Variants in DNPEP observed in about 807,000 individuals in gnomAD.
DNPEP encodes the protein aspartyl aminopeptidase.
A neutral mutation model predicts 59.1 loss-of-function variants in DNPEP; 46 were observed. The observed-to-expected ratio is 0.78, with a 90% CI of 0.61 to 0.99. The LOEUF is 0.99. Among genes scored for constraint, DNPEP ranks in the 50% least tolerant of loss-of-function variants. The probability of loss-of-function intolerance (pLI) is 0.00; values close to 1 mark genes in which losing one functional copy is unlikely to be tolerated. For synonymous variants in DNPEP, 229 were observed against 242.2 expected (o/e 0.95, Z 0.50); for missense variants, 617 against 649.9 (o/e 0.95, Z 0.55).
chr2:219,387,993 G>C (rs556982983), upstream of DNPEP: 431 of 1,202,762 alleles, frequency 3.6e-4, 6 homozygotes, highest in South Asian at 6.9e-3. Context: ...GCCCACCTCG[G>C]TCAGCCCCGC....
At chr2:219,399,573 G>T (rs542634187) in intron 1 of DNPEP, 5 of 608,804 alleles carry the variant, frequency 8.2e-6, no homozygotes, top group Admixed American at 2.1e-5. Flanking sequence ...CACTTGTGCC[G>T]ATGGGTGGGC....
chr2:219,389,555 C>T (rs1395015073), upstream of DNPEP, among the ~76,000 whole-genome samples: 3 of 152,116 alleles, frequency 2.0e-5, no homozygotes, highest in East Asian at 1.9e-4. Flanking sequence ...ATGGGCCTGG[C>T]GCAGTGGCTC....
upstream of DNPEP, among the ~76,000 whole-genome samples, chr2:219,390,733 G>C (rs967262265): frequency 1.3e-5 from 2 of 152,174 alleles, no homozygotes; most frequent in East Asian, 3.9e-4. Flanking sequence ...AGGAGACTGA[G>C]GCAGGAGAAC....
At chr2:219,393,468 CAG>C (rs1954049796), upstream of DNPEP, 1 of 152,188 alleles carries the variant, frequency 6.6e-6, no homozygotes. Context: ...TTAGTAGAGA[CAG>C]GGTTTCACCA....
chr2:219,381,809 T>G, intron 11 of DNPEP, 170 bp downstream of exon 11: 4 of 901,998 alleles, frequency 4.4e-6, no homozygotes. Flanking sequence ...AGGCATTGCA[T>G]GACTTTGACC....
At chr2:219,376,647 C>T (rs756919383) in intron 13 of DNPEP, among the ~76,000 whole-genome samples, 9 of 152,004 alleles carry the variant, frequency 5.9e-5, no homozygotes, top group Non-Finnish European at 1.0e-4. Flanking sequence ...CCAAAGAACC[C>T]TAGTTGATTG....
chr2:219,384,157 C>A (rs551878374), intron 9 of DNPEP, among the ~76,000 whole-genome samples: 2 of 152,204 alleles, frequency 1.3e-5, no homozygotes, highest in African/African-American at 4.8e-5. Context: ...GCCTCAACAC[C>A]CTGATAGTGC....
intron 13 of DNPEP, among the ~76,000 whole-genome samples, chr2:219,378,724 G>A (rs981470446): frequency 9.9e-5 from 15 of 152,064 alleles, no homozygotes; most frequent in African/African-American, 2.7e-4. Context: ...AATTCCTGTC[G>A]CCTAGTGACA....
chr2:219,386,534 GA>G, intron 4 of DNPEP, 123 bp from the exon 5 acceptor site: 1 of 1,487,832 alleles, frequency 6.7e-7, no homozygotes, highest in Non-Finnish European at 9.2e-7. Flanking sequence ...AGGTGTGAAG[GA>G]AGGGGCCAAC....
At position 219,399,636 on chromosome 2, in the gene DNPEP, G is replaced by C. The variant is rs1048304136; in HGVS notation, c.-158+304C>G. The C allele has an allele frequency of 7.9e-6, 5 of 632,260 alleles. No homozygotes were observed. The African/African-American group carries it at 9.1e-5, about 11-fold the overall frequency. The allele number at this position is 632,260 out of a possible 1,614,324, so 39.2% of individuals were successfully genotyped here. A position where few individuals can be genotyped will look rare whatever the true frequency, so the allele number is the denominator to read the frequency against. Reference sequence around the variant, plus strand: ...GTGGAGAGAATAGGGCACCAGACAGGGTTGTTTGGAAAGATTAAATCCTCC... The same window carrying C: ...GTGGAGAGAATAGGGCACCAGACAGCGTTGTTTGGAAAGATTAAATCCTCC... On this transcript the variant is annotated intron_variant, in intron 1 of 6. Coordinates refer to the DNPEP transcript ENST00000434339.
Position 219,386,668 on chromosome 2 carries a change from G to A in DNPEP, c.330C>T (p.Leu110=). ...LIGAHTDSPC[L]RVKRRSRRSQ... is the part of the protein sequence containing the mutation. ...CAACACCGTCCGAGTTCCTTACCCG[G>A]AGGCAGGGGCTGTCCGTGTGGGCCC... Residue 110 remains leucine (L), a synonymous_variant, in exon 4 of 15, where the codon CTC becomes CTT. Coordinates refer to ENST00000273075, the MANE Select transcript of DNPEP (RefSeq NM_012100.4). The A allele has an allele frequency of 6.2e-7, 1 of 1,611,010 alleles. No individual in the cohort carries two copies. The highest frequency in any genetic ancestry group is 8.5e-7 in the Non-Finnish European group (1 of 1,179,112).
upstream of DNPEP, among the ~76,000 whole-genome samples, chr2:219,390,784 C>T (rs765412401): frequency 2.0e-5 from 3 of 152,124 alleles, no homozygotes; most frequent in African/African-American, 4.8e-5. Flanking sequence ...GAGCCGAGAT[C>T]GTGCCATTGC....
chr2:219,381,107 A>G (rs1953576949), intron 13 of DNPEP, among the ~76,000 whole-genome samples: 1 of 152,238 alleles, frequency 6.6e-6, no homozygotes, highest in Non-Finnish European at 1.5e-5. Flanking sequence ...CAGATGTGGA[A>G]ACTGAGACTC....
upstream of DNPEP, chr2:219,388,570 A>C (rs547991082): frequency 2.6e-6 from 1 of 381,398 alleles, no homozygotes; most frequent in Non-Finnish European, 3.6e-6. Context: ...CACCCCCGTC[A>C]CCCACGCCGC....
In DNPEP at chr2:219,385,967, C is replaced by G. The variant is rs1304655093; in HGVS notation, c.590+1G>C. 6.2e-7 allele frequency: 1 copy of G among 1,613,990 alleles called. No homozygotes were observed. The highest frequency in any genetic ancestry group is 1.3e-5 in the African/African-American group (1 of 74,932). On this transcript the variant is annotated splice_donor_variant, in intron 6 of 14. Coordinates refer to ENST00000273075, the MANE Select transcript of DNPEP (RefSeq NM_012100.4). LOFTEE classifies it high-confidence loss of function. ...CCACCGCAGCCCTGCCCCAGTCTCA[C>G]AGATGCATCTCTGTGTTGGGCCCAA...
intron 1 of DNPEP, chr2:219,387,477 GC>G: frequency 1.4e-6 from 2 of 1,434,720 alleles, no homozygotes; most frequent in Non-Finnish European, 1.8e-6. Flanking sequence ...TCCCAAGCGG[GC>G]CCCATACTCT....
chr2:219,386,650 G>A lies in DNPEP; in HGVS notation c.333+15C>T, dbSNP rs377363031. 3.6e-4 allele frequency: 577 copies of A among 1,602,158 alleles called. 1 individual carries two copies. The highest frequency in any genetic ancestry group is 4.6e-4 in the Non-Finnish European group (537 of 1,174,228). On this transcript the variant is annotated intron_variant, in intron 4 of 14. Coordinates refer to ENST00000273075, the MANE Select transcript of DNPEP (RefSeq NM_012100.4). ...TGACATCTCCTCCCACCCCAACACC[G>A]TCCGAGTTCCTTACCCGGAGGCAGG...
At chr2:219,394,883 C>A (rs1180884089) in intron 1 of DNPEP, among the ~76,000 whole-genome samples, 2 of 152,076 alleles carry the variant, frequency 1.3e-5, no homozygotes, top group East Asian at 3.9e-4. Flanking sequence ...TTGTGCTGAA[C>A]CCCTGTCCAC....
chr2:219,391,202 G>T (rs1954010835), upstream of DNPEP, among the ~76,000 whole-genome samples: 1 of 152,112 alleles, frequency 6.6e-6, no homozygotes, highest in East Asian at 1.9e-4. Flanking sequence ...TGAAACTATG[G>T]CCTCTATTCA....
Sources: gnomAD v4.1 joint callset for allele counts (sites outside exome capture counted in the v4.1 genomes callset) on GRCh38, gnomAD v4.1.1 for gene constraint, MANE v1.5 for transcripts, NCBI Gene and HGNC (gene_info 2026-07-23, HGNC 2026-07-21) for gene names.